The following ATOSA variants were observed in gnomAD, a reference collection of about 807,000 sequenced individuals.
ATOSA encodes atos homolog A, also known as atos homolog protein A.
chr15:52,581,692 T>C, the ATOSA span: 2 of 152,956 alleles, frequency 1.3e-5, no homozygotes, highest in Non-Finnish European at 2.9e-5. Context: ...CATTTTATTC[T>C]CATTTTCAAT....
the ATOSA span, among the ~76,000 whole-genome samples, chr15:52,661,431 G>A: frequency 6.6e-6 from 1 of 152,200 alleles, no homozygotes. Context: ...CAGGGAATTT[G>A]AGTTTTACTT....
At chr15:52,696,444 A>G in the ATOSA span, among the ~76,000 whole-genome samples, 1 of 152,140 alleles carries the variant, frequency 6.6e-6, no homozygotes, top group Non-Finnish European at 1.5e-5. Flanking sequence ...CTTCCAGTCT[A>G]TCCTATCAGC....
chr15:52,672,486 T>C, the ATOSA span, among the ~76,000 whole-genome samples: 1 of 121,824 alleles, frequency 8.2e-6, no homozygotes, highest in Admixed American at 9.3e-5. Context: ...ACTACAATTT[T>C]GCCTTTTCAT....
the ATOSA span, among the ~76,000 whole-genome samples, chr15:52,698,775 T>C: frequency 1.3e-5 from 2 of 152,222 alleles, no homozygotes; most frequent in African/African-American, 2.4e-5. Context: ...TATAATTTTA[T>C]CTAGAGTGTG....
At chr15:52,603,836 G>C in the ATOSA span, among the ~76,000 whole-genome samples, 1 of 152,178 alleles carries the variant, frequency 6.6e-6, no homozygotes, top group African/African-American at 2.4e-5. Context: ...TGGAAGAGTT[G>C]TGAGGAGGGA....
At chr15:52,678,039 GC>G in the ATOSA span, 6 of 1,613,784 alleles carry the variant, frequency 3.7e-6, no homozygotes, top group African/African-American at 8.0e-5. Context: ...TCCAATTTTC[GC>G]CCAGAGTGCT....
the ATOSA span, chr15:52,651,846 G>A: frequency 9.8e-6 from 15 of 1,534,050 alleles, no homozygotes; most frequent in African/African-American, 1.6e-4. Context: ...AAATAAAGCC[G>A]TTAAAAAACA....
At chr15:52,614,012 G>T in the ATOSA span, 2 of 717,404 alleles carry the variant, frequency 2.8e-6, no homozygotes, top group Non-Finnish European at 4.9e-6. Flanking sequence ...CTAAACTTTT[G>T]ATTCACAAAC....
chr15:52,651,258 T>G, the ATOSA span, among the ~76,000 whole-genome samples: 1 of 152,190 alleles, frequency 6.6e-6, no homozygotes, highest in Admixed American at 6.5e-5. Flanking sequence ...GACTTTGCGG[T>G]TGAATTATGA....
chr15:52,611,859 T>G, the ATOSA span: 2 of 1,264,112 alleles, frequency 1.6e-6, no homozygotes, highest in Non-Finnish European at 2.2e-6. Flanking sequence ...CATTGTAAAG[T>G]AGACATCTGT....
At chr15:52,600,984 C>A in the ATOSA span, 1 of 740,946 alleles carries the variant, frequency 1.3e-6, no homozygotes. Flanking sequence ...AATAAGATTC[C>A]TGTTACAATT....
the ATOSA span, among the ~76,000 whole-genome samples, chr15:52,641,512 G>C: frequency 6.6e-6 from 1 of 152,202 alleles, no homozygotes; most frequent in Non-Finnish European, 1.5e-5. Context: ...GACCAGAAGT[G>C]TATGAGAATG....
the ATOSA span, chr15:52,587,328 T>C: frequency 7.7e-6 from 7 of 903,230 alleles, no homozygotes; most frequent in Non-Finnish European, 1.2e-5. Context: ...TCTATTTCTA[T>C]GGAAAAACAT....
chr15:52,708,808 A>T, the ATOSA span, among the ~76,000 whole-genome samples: 2 of 152,140 alleles, frequency 1.3e-5, no homozygotes, highest in Non-Finnish European at 2.9e-5. Context: ...CATATTGTGG[A>T]GGCTACCTCC....
the ATOSA span, among the ~76,000 whole-genome samples, chr15:52,620,351 C>G: frequency 1.3e-5 from 2 of 152,070 alleles, no homozygotes; most frequent in Non-Finnish European, 2.9e-5. Flanking sequence ...CCAGAAAAAC[C>G]ACAGGAGAGA....
chr15:52,658,616 C>T, the ATOSA span: 1 of 396,486 alleles, frequency 2.5e-6, no homozygotes, highest in Non-Finnish European at 4.4e-6. Context: ...AACCATCAAA[C>T]ATGCATGCTC....
At chr15:52,683,943 A>G in the ATOSA span, among the ~76,000 whole-genome samples, 1 of 152,210 alleles carries the variant, frequency 6.6e-6, no homozygotes, top group Non-Finnish European at 1.5e-5. Flanking sequence ...TTTAGAACCC[A>G]TACACTCATA....
chr15:52,646,054 C>T, the ATOSA span, among the ~76,000 whole-genome samples: 1 of 152,184 alleles, frequency 6.6e-6, no homozygotes, highest in Admixed American at 6.5e-5. Context: ...TACATTTTTA[C>T]CTCATGGGAA....
chr15:52,661,869 C>T, the ATOSA span, among the ~76,000 whole-genome samples: 3 of 121,918 alleles, frequency 2.5e-5, no homozygotes, highest in Non-Finnish European at 4.8e-5. Context: ...GAAGGACACA[C>T]ATGCTTAGAT....
Sources: gnomAD v4.1 joint callset for allele counts (sites outside exome capture counted in the v4.1 genomes callset) on GRCh38, gnomAD v4.1.1 for gene constraint, MANE v1.5 for transcripts, NCBI Gene and HGNC (gene_info 2026-07-23, HGNC 2026-07-21) for gene names.